BRINP3: variants seen among roughly 807,000 people sequenced by gnomAD.
BRINP3 encodes the protein BMP/retinoic acid inducible neural specific 3.
A neutral mutation model predicts 71.0 loss-of-function variants in BRINP3; 19 were observed. That is an observed-to-expected ratio of 0.27 (90% CI 0.19 to 0.39). The LOEUF (loss-of-function observed/expected upper bound fraction) is 0.39. Ranked by LOEUF, BRINP3 falls within the 10% of genes least tolerant of loss-of-function variation. The pLI is 1.00. For synonymous variants in BRINP3, 380 were observed against 337.7 expected (o/e 1.13, Z -1.37); for missense variants, 959 against 940.8 (o/e 1.02, Z -0.25).
intron 4 of BRINP3, among the ~76,000 whole-genome samples, chr1:190,250,597 G>T (rs1660041827): frequency 6.6e-6 from 1 of 151,856 alleles, no homozygotes; most frequent in African/African-American, 2.4e-5. Context: ...TTCATTTATA[G>T]AGATCATTAT....
chr1:190,158,354 C>G (rs1013340514), intron 7 of BRINP3, among the ~76,000 whole-genome samples: 1 of 152,046 alleles, frequency 6.6e-6, no homozygotes, highest in Non-Finnish European at 1.5e-5. Flanking sequence ...TTTTTCTTCC[C>G]AGTCTCAAAT....
At chr1:190,450,437 T>G (rs1458399837) in intron 2 of BRINP3, among the ~76,000 whole-genome samples, 1 of 152,164 alleles carries the variant, frequency 6.6e-6, no homozygotes, top group Non-Finnish European at 1.5e-5. Context: ...GTTTTCATTT[T>G]CCCTCCTGAT....
At chr1:190,231,911 T>C (rs1273550798) in intron 5 of BRINP3, among the ~76,000 whole-genome samples, 1 of 151,942 alleles carries the variant, frequency 6.6e-6, no homozygotes, top group Non-Finnish European at 1.5e-5. Flanking sequence ...TTTGCTTAGA[T>C]ACAATTCCAC....
chr1:190,388,756 T>C (rs1015944561), intron 2 of BRINP3, among the ~76,000 whole-genome samples: 1 of 151,984 alleles, frequency 6.6e-6, no homozygotes, highest in Admixed American at 6.6e-5. Flanking sequence ...TAACCAGGTA[T>C]TCATGACTGA....
At chr1:190,253,195 G>T (rs1186252638) in intron 4 of BRINP3, among the ~76,000 whole-genome samples, 1 of 152,104 alleles carries the variant, frequency 6.6e-6, no homozygotes, top group African/African-American at 2.4e-5. Flanking sequence ...CATTTGGGTT[G>T]GTTCCAAGTC....
At chr1:190,196,753 T>G (rs561994250) in intron 6 of BRINP3, among the ~76,000 whole-genome samples, 9 of 151,978 alleles carry the variant, frequency 5.9e-5, no homozygotes, top group African/African-American at 2.2e-4. Flanking sequence ...ATAATTTAAT[T>G]TGAGCCACTG....
intron 4 of BRINP3, among the ~76,000 whole-genome samples, chr1:190,246,500 C>A (rs920109035): frequency 1.1e-4 from 16 of 151,116 alleles, no homozygotes; most frequent in African/African-American, 3.4e-4. Flanking sequence ...CTAAAATGCA[C>A]CAAGTTAGAA....
At chr1:190,107,533 C>T (rs1652278796) in intron 7 of BRINP3, among the ~76,000 whole-genome samples, 1 of 151,930 alleles carries the variant, frequency 6.6e-6, no homozygotes, top group Non-Finnish European at 1.5e-5. Context: ...TTATCTATAT[C>T]ACTTATTTGT....
intron 2 of BRINP3, among the ~76,000 whole-genome samples, chr1:190,418,773 A>G (rs1673169864): frequency 6.6e-6 from 1 of 152,096 alleles, no homozygotes; most frequent in Non-Finnish European, 1.5e-5. Flanking sequence ...GTAAGGTATG[A>G]AGGGAATATT....
At chr1:190,420,307 T>C (rs1439232889) in intron 2 of BRINP3, among the ~76,000 whole-genome samples, 1 of 151,962 alleles carries the variant, frequency 6.6e-6, no homozygotes, top group Non-Finnish European at 1.5e-5. Context: ...CAAGAATATA[T>C]AGCATGTGTG....
rs544996966 is a variant in BRINP3, at chr1:190,352,992, A to G, written c.237-71242T>C. Among the ~76,000 whole-genome samples, 5 of 151,742 alleles carry G rather than the reference A, an allele frequency of 3.3e-5. No individual in the cohort carries two copies. The South Asian group carries it at 8.3e-4, about 25-fold the overall frequency. On this transcript the variant is annotated intron_variant, in intron 2 of 7. Coordinates refer to ENST00000367462, the MANE Select transcript of BRINP3 (RefSeq NM_199051.3). ...TCTACCAGACACATGGGTGTTTGCT[A>G]TTTAGGAAAGATGCCTTATCTTTGT...
At chr1:190,180,737 T>C (rs1202282732) in intron 6 of BRINP3, among the ~76,000 whole-genome samples, 1 of 152,078 alleles carries the variant, frequency 6.6e-6, no homozygotes, top group African/African-American at 2.4e-5. Context: ...GAAGTCAGTG[T>C]GTTAGCCATA....
At chr1:190,464,324 T>C (rs933511882) in intron 1 of BRINP3, among the ~76,000 whole-genome samples, 13 of 151,994 alleles carry the variant, frequency 8.6e-5, no homozygotes, top group Admixed American at 2.0e-4. Flanking sequence ...GGTGTATTAA[T>C]AACTACCTTA....
At chr1:190,185,552 A>G (rs1356116313) in intron 6 of BRINP3, among the ~76,000 whole-genome samples, 4 of 152,178 alleles carry the variant, frequency 2.6e-5, no homozygotes, top group Non-Finnish European at 1.5e-5. Context: ...AAATTGGCTA[A>G]GCTGGCACAG....
chr1:190,200,986 A>G (rs1558059029), intron 6 of BRINP3, among the ~76,000 whole-genome samples: 1 of 152,080 alleles, frequency 6.6e-6, no homozygotes, highest in Non-Finnish European at 1.5e-5. Flanking sequence ...GTACCAGTAG[A>G]GTGGGGTGTT....
chr1:190,277,697 G>A (rs757782978), intron 3 of BRINP3, among the ~76,000 whole-genome samples: 1 of 151,456 alleles, frequency 6.6e-6, no homozygotes, highest in Non-Finnish European at 1.5e-5. Context: ...TTTAATTTTA[G>A]TATTTGTCAT....
At chr1:190,432,365 A>G (rs1371664374) in intron 2 of BRINP3, among the ~76,000 whole-genome samples, 1 of 152,214 alleles carries the variant, frequency 6.6e-6, no homozygotes, top group Non-Finnish European at 1.5e-5. Context: ...CATAACATGC[A>G]GCTGGCAACT....
chr1:190,156,977 T>G (rs1432915721), intron 7 of BRINP3, among the ~76,000 whole-genome samples: 2 of 152,076 alleles, frequency 1.3e-5, no homozygotes, highest in Non-Finnish European at 2.9e-5. Context: ...TAGAAATTAA[T>G]GTGGCTTCCA....
At chr1:190,225,096 G>C (rs6659885) in intron 6 of BRINP3, among the ~76,000 whole-genome samples, 86,390 of 151,606 alleles carry the variant, frequency 0.57, 24,845 homozygotes, top group Admixed American at 0.69. Flanking sequence ...TAAAGTAGAA[G>C]TACCATATTA....
Sources: gnomAD v4.1 joint callset for allele counts (sites outside exome capture counted in the v4.1 genomes callset) on GRCh38, gnomAD v4.1.1 for gene constraint, MANE v1.5 for transcripts, NCBI Gene and HGNC (gene_info 2026-07-23, HGNC 2026-07-21) for gene names.